Variants in DHX36 observed in about 807,000 individuals in gnomAD.
The protein encoded by DHX36 is DEAH-box helicase 36, also known as ATP-dependent DNA/RNA helicase DHX36.
A neutral mutation model predicts 139.0 loss-of-function variants in DHX36; 50 were observed. The observed-to-expected ratio is 0.36, with a 90% CI of 0.29 to 0.46. The LOEUF (loss-of-function observed/expected upper bound fraction) is 0.46. Among genes scored for constraint, DHX36 ranks in the 20% least tolerant of loss-of-function variants. DHX36 has a pLI of 1.00. For missense variants in DHX36, 1,024 were observed against 1,211.3 expected, an observed-to-expected ratio of 0.85 and a Z score of 2.29; for synonymous variants, 425 against 401.9, an observed-to-expected ratio of 1.06 and a Z score of -0.69.
intron 5 of DHX36, among the ~76,000 whole-genome samples, chr3:154,307,183 A>AG (rs932242332): frequency 7.9e-5 from 12 of 152,234 alleles, no homozygotes; most frequent in African/African-American, 2.9e-4. Context: ...AAGAAAACCT[A>AG]GGGAAAAACT....
At chr3:154,296,476 AAATAATAATAAT>A (rs536569729) in intron 12 of DHX36, among the ~76,000 whole-genome samples, 1 of 151,260 alleles carries the variant, frequency 6.6e-6, no homozygotes, top group African/African-American at 2.4e-5. Context: ...TCCGTCTCAA[AAATAATAATAAT>A]AATAATAATA....
intron 20 of DHX36, 74 bp from the exon 21 acceptor site, chr3:154,280,936 T>C: frequency 1.8e-6 from 2 of 1,103,394 alleles, no homozygotes; most frequent in East Asian, 2.4e-5. Flanking sequence ...CACTAATAGA[T>C]AAATTGAGTT....
At chr3:154,305,943 A>G (rs1053643642) in intron 6 of DHX36, among the ~76,000 whole-genome samples, 1 of 152,182 alleles carries the variant, frequency 6.6e-6, no homozygotes, top group African/African-American at 2.4e-5. Flanking sequence ...CTTTTCAGAG[A>G]GAGTAATGGT....
intron 17 of DHX36, among the ~76,000 whole-genome samples, chr3:154,286,902 A>T (rs1436177842): frequency 2.0e-5 from 3 of 152,102 alleles, no homozygotes; most frequent in African/African-American, 7.2e-5. Flanking sequence ...TGTGTCCCTC[A>T]AACTCCTGGG....
At chr3:154,298,919 T>C (rs934363799) in intron 12 of DHX36, among the ~76,000 whole-genome samples, 1 of 151,356 alleles carries the variant, frequency 6.6e-6, no homozygotes, top group African/African-American at 2.4e-5. Flanking sequence ...GTTTCAAAAA[T>C]AAATTAATAA....
At chr3:154,320,142 C>T (rs541313681) in intron 1 of DHX36, among the ~76,000 whole-genome samples, 5 of 152,290 alleles carry the variant, frequency 3.3e-5, no homozygotes, top group African/African-American at 9.6e-5. Context: ...CTTGTTGATA[C>T]GCTCTTCTCT....
chr3:154,305,183 C>T lies in DHX36; in HGVS notation c.894-15G>A. 6.2e-7 allele frequency: 1 copy of T among 1,605,770 alleles called. No homozygotes were observed. The highest frequency in any genetic ancestry group is 8.5e-7 in the Non-Finnish European group (1 of 1,175,866). On this transcript the variant is annotated splice_polypyrimidine_tract_variant and intron_variant, in intron 6 of 24. Transcript: ENST00000496811. ...TTGGCAACCGACTGTGAATGAAAGACATGAATTAATAAGCCTTGGTTTTCT... is the reference window on the plus strand; with the variant it reads ...TTGGCAACCGACTGTGAATGAAAGATATGAATTAATAAGCCTTGGTTTTCT...
chr3:154,322,082 A>T (rs1221782045), intron 1 of DHX36, among the ~76,000 whole-genome samples: 1 of 152,214 alleles, frequency 6.6e-6, no homozygotes, highest in Non-Finnish European at 1.5e-5. Context: ...TATTTAAACA[A>T]GAAAGAAAGG....
chr3:154,285,472 A>C (rs1284816088), intron 17 of DHX36, among the ~76,000 whole-genome samples: 1 of 152,204 alleles, frequency 6.6e-6, no homozygotes, highest in Non-Finnish European at 1.5e-5. Context: ...CAACCACCCC[A>C]CTGTGGACAG....
chr3:154,281,390 T>A (rs577739695), intron 20 of DHX36, among the ~76,000 whole-genome samples: 2 of 152,062 alleles, frequency 1.3e-5, no homozygotes, highest in East Asian at 3.9e-4. Flanking sequence ...TAATGATACA[T>A]GGCTTATTAC....
intron 1 of DHX36, 24 bp from the exon 2 acceptor site, chr3:154,316,187 A>G: frequency 6.2e-7 from 1 of 1,610,602 alleles, no homozygotes; most frequent in Non-Finnish European, 8.5e-7. Context: ...AGAAAAAAGC[A>G]TCCTTGTCAA....
chr3:154,297,887 C>A (rs761210880), intron 12 of DHX36, among the ~76,000 whole-genome samples: 47 of 152,076 alleles, frequency 3.1e-4, no homozygotes, highest in Non-Finnish European at 4.9e-4. Context: ...AGAACAAAAT[C>A]TATACTCTTA....
chr3:154,281,615 C>T (rs1012900931), intron 20 of DHX36, among the ~76,000 whole-genome samples: 1 of 151,954 alleles, frequency 6.6e-6, no homozygotes, highest in Non-Finnish European at 1.5e-5. Context: ...CCAGATGAAT[C>T]TTGTATTTTC....
At chr3:154,311,332 T>C (rs1712757302) in intron 4 of DHX36, among the ~76,000 whole-genome samples, 2 of 152,124 alleles carry the variant, frequency 1.3e-5, no homozygotes, top group African/African-American at 2.4e-5. Flanking sequence ...ATATTATTTT[T>C]AACTGAAGTA....
chr3:154,295,156 G>C (rs1711990831), intron 13 of DHX36, 128 bp downstream of exon 13: 1 of 563,248 alleles, frequency 1.8e-6, no homozygotes, highest in Non-Finnish European at 3.1e-6. Context: ...TCTCAAAGAA[G>C]TATTTTTTTA....
Position 154,299,905 on chromosome 3 carries a change from A to G in DHX36, c.1482T>C (p.Phe494=), listed in dbSNP as rs1712198776. 6.2e-7 allele frequency: 1 copy of G among 1,613,504 alleles called. No individual in the cohort carries two copies. Reference sequence around the variant, plus strand: ...TGCTGATATTGTCCCAGCCTGGCAGAAAGACCAGTATCGCACCATCCTATA... The same window carrying G: ...TGCTGATATTGTCCCAGCCTGGCAGGAAGACCAGTATCGCACCATCCTATA... ...LEEEDGAILV[F]LPGWDNISTL... The change falls in exon 12 of 25, where the codon TTT becomes TTC. Residue 494 remains phenylalanine (F), a synonymous_variant. Transcript: ENST00000496811.
intron 22 of DHX36, 30 bp downstream of exon 22, chr3:154,280,549 G>A (rs554210711): frequency 1.4e-5 from 21 of 1,460,700 alleles, no homozygotes; most frequent in South Asian, 1.1e-4. Flanking sequence ...AGAGAATTAC[G>A]AGTAATTAAT....
At chr3:154,307,191 A>G (rs1712537652) in intron 5 of DHX36, among the ~76,000 whole-genome samples, 1 of 152,046 alleles carries the variant, frequency 6.6e-6, no homozygotes, top group Admixed American at 6.5e-5. Flanking sequence ...CTAGGGAAAA[A>G]CTCCTTTGGA....
At chr3:154,309,450 G>C (rs1712647401) in intron 5 of DHX36, among the ~76,000 whole-genome samples, 1 of 151,986 alleles carries the variant, frequency 6.6e-6, no homozygotes. Context: ...ATTTTATCTT[G>C]AATTCATAAA....
Sources: allele counts gnomAD v4.1 joint callset (sites outside exome capture counted in the v4.1 genomes callset), GRCh38; gene constraint gnomAD v4.1.1; transcripts MANE v1.5; gene names NCBI Gene and HGNC (gene_info 2026-07-23, HGNC 2026-07-21).